Variants in MCC observed in about 807,000 individuals in gnomAD.
The protein encoded by MCC is colorectal mutant cancer protein.
MCC carries 90 observed loss-of-function variants against 116.2 expected under a neutral mutation model. That is an observed-to-expected ratio of 0.77 (90% CI 0.65 to 0.92). The LOEUF is 0.92. MCC is among the 40% of genes least tolerant of loss of function. MCC has a pLI of 0.00. For missense variants in MCC, 1,516 were observed against 1,312.2 expected, an observed-to-expected ratio of 1.16 and a Z score of -2.40; for synonymous variants, 578 against 510.5, an observed-to-expected ratio of 1.13 and a Z score of -1.78.
intron 3 of MCC, among the ~76,000 whole-genome samples, chr5:113,318,030 G>C (rs1480614521): frequency 6.6e-6 from 1 of 152,236 alleles, no homozygotes; most frequent in East Asian, 1.9e-4. Flanking sequence ...CAATTATGAA[G>C]AGGTGGAGGT....
chr5:113,231,084 A>T (rs2150334372), intron 3 of MCC, among the ~76,000 whole-genome samples: 1 of 152,314 alleles, frequency 6.6e-6, no homozygotes, highest in African/African-American at 2.4e-5. Flanking sequence ...CTCTAATTCC[A>T]GAAACGTTTC....
At chr5:113,355,747 T>C (rs1356717104) in intron 2 of MCC, among the ~76,000 whole-genome samples, 1 of 152,064 alleles carries the variant, frequency 6.6e-6, no homozygotes, top group Admixed American at 6.6e-5. Context: ...AATCCCATCA[T>C]AAGGCTCCAC....
intron 1 of MCC, among the ~76,000 whole-genome samples, chr5:113,453,863 C>T (rs751059022): frequency 6.6e-6 from 1 of 152,120 alleles, no homozygotes; most frequent in Non-Finnish European, 1.5e-5. Flanking sequence ...GTAATCCCTG[C>T]ACTTTGGGAG....
chr5:113,138,987 T>A lies in MCC; in HGVS notation c.884+4231A>T, dbSNP rs534188910. 2.6e-5 allele frequency among the ~76,000 whole-genome samples: 4 copies of A among 152,274 alleles called. No homozygotes were observed. The East Asian group carries it at 7.7e-4, about 29-fold the overall frequency. Reference sequence around the variant, plus strand: ...ATTGTGATGACAAGTAAAGTCTCTGTTCACCAGACCAGAGTTTGACTATAA... The same window carrying A: ...ATTGTGATGACAAGTAAAGTCTCTGATCACCAGACCAGAGTTTGACTATAA... On this transcript the variant is annotated intron_variant, in intron 5 of 18. Transcript: ENST00000408903.
At position 113,232,085 on chromosome 5, in the gene MCC, G is replaced by A. The variant is rs569678; in HGVS notation, c.628-80663C>T. On this transcript the variant is annotated intron_variant, in intron 3 of 18. Coordinates refer to ENST00000408903, the MANE Select transcript of MCC (RefSeq NM_001085377.2). Reference sequence around the variant, plus strand: ...CAAGCACAAAGATACTATGTTATTTGTTAACTAGCTTTCACCTTAAAGCAA... The same window carrying A: ...CAAGCACAAAGATACTATGTTATTTATTAACTAGCTTTCACCTTAAAGCAA... Among the ~76,000 whole-genome samples, 145 of 152,218 alleles carry A rather than the reference G, an allele frequency of 9.5e-4. 2 individuals are homozygous for A. In the East Asian group the frequency reaches 0.022, roughly 23 times the overall value.
At chr5:113,253,512 T>G (rs1374535953) in intron 3 of MCC, among the ~76,000 whole-genome samples, 1 of 152,108 alleles carries the variant, frequency 6.6e-6, no homozygotes, top group Admixed American at 6.6e-5. Context: ...TTTGACATAC[T>G]ATGCCCTCAA....
At chr5:113,212,401 G>C (rs1392567420) in intron 3 of MCC, among the ~76,000 whole-genome samples, 1 of 152,026 alleles carries the variant, frequency 6.6e-6, no homozygotes, top group Non-Finnish European at 1.5e-5. Context: ...TCCACTCCAG[G>C]AGAGGCCACA....
chr5:113,369,434 C>T (rs1324444082), intron 2 of MCC, among the ~76,000 whole-genome samples: 2 of 152,064 alleles, frequency 1.3e-5, no homozygotes, highest in Non-Finnish European at 2.9e-5. Context: ...TATATTTTTC[C>T]AGAGTTTAAA....
intron 1 of MCC, among the ~76,000 whole-genome samples, chr5:113,406,739 A>G (rs26969): frequency 0.44 from 66,681 of 151,580 alleles, 16,118 homozygotes; most frequent in African/African-American, 0.64. Context: ...TACATTTGAG[A>G]CTTTAAAGTT....
chr5:113,333,828 T>TATATATCTAC (rs1767773141), intron 3 of MCC, among the ~76,000 whole-genome samples: 1 of 12,274 alleles, frequency 8.1e-5, no homozygotes, highest in African/African-American at 1.2e-4. Flanking sequence ...TACATATATG[T>TATATATCTAC]ATATATGTAT....
chr5:113,148,979 C>A (rs1348711738), intron 4 of MCC, among the ~76,000 whole-genome samples: 3 of 152,124 alleles, frequency 2.0e-5, no homozygotes, highest in Admixed American at 6.5e-5. Context: ...AAAAATTTTC[C>A]ATTATCCTCT....
intron 13 of MCC, among the ~76,000 whole-genome samples, chr5:113,064,534 G>A (rs1753455455): frequency 6.6e-6 from 1 of 152,164 alleles, no homozygotes; most frequent in African/African-American, 2.4e-5. Context: ...CCATTCCTCT[G>A]TGCATTGGCA....
At chr5:113,400,235 G>A (rs910734282) in intron 1 of MCC, among the ~76,000 whole-genome samples, 2 of 139,776 alleles carry the variant, frequency 1.4e-5, no homozygotes, top group Non-Finnish European at 3.0e-5. Context: ...TGATTCTCCC[G>A]CCTCAGCCTC....
intron 6 of MCC, among the ~76,000 whole-genome samples, chr5:113,119,621 G>A (rs941553552): frequency 5.9e-5 from 9 of 152,156 alleles, no homozygotes; most frequent in African/African-American, 2.2e-4. Flanking sequence ...ATTTGAGGGT[G>A]GGAGCACAAT....
At chr5:113,439,364 C>T (rs769841795) in intron 1 of MCC, among the ~76,000 whole-genome samples, 1 of 152,044 alleles carries the variant, frequency 6.6e-6, no homozygotes, top group Non-Finnish European at 1.5e-5. Flanking sequence ...ACACACGAGG[C>T]CTTGAAGCAA....
intron 1 of MCC, among the ~76,000 whole-genome samples, chr5:113,414,884 T>C (rs1214752271): frequency 1.3e-5 from 2 of 152,238 alleles, no homozygotes; most frequent in Non-Finnish European, 2.9e-5. Flanking sequence ...CAGTTTGTCA[T>C]GTTTTTGCAG....
chr5:113,024,384 C>T lies in MCC; in HGVS notation c.*2918G>A, dbSNP rs1298709009. 2 of 152,190 alleles carry T rather than the reference C, an allele frequency of 1.3e-5. No homozygotes were observed. The highest frequency in any genetic ancestry group is 2.4e-5 in the African/African-American group (1 of 41,444). 9.4% of individuals were successfully genotyped at this position (152,190 alleles called of 1,614,324 possible). On this transcript the variant is annotated 3_prime_UTR_variant, in exon 19 of 19. Transcript: ENST00000408903. Reference sequence around the variant, plus strand: ...GGTAAGCTCACACTGATGGCACTCGCAACTACGGACAGAAGTCTCTTTTGC... The same window carrying T: ...GGTAAGCTCACACTGATGGCACTCGTAACTACGGACAGAAGTCTCTTTTGC...
chr5:113,077,622 A>G (rs978247622), intron 11 of MCC, among the ~76,000 whole-genome samples: 1 of 152,194 alleles, frequency 6.6e-6, no homozygotes, highest in African/African-American at 2.4e-5. Flanking sequence ...AACAAAGACA[A>G]AACATACAAG....
intron 3 of MCC, among the ~76,000 whole-genome samples, chr5:113,250,082 G>T (rs895320983): frequency 1.3e-5 from 2 of 152,214 alleles, no homozygotes; most frequent in Non-Finnish European, 2.9e-5. Context: ...GGAAAAGACT[G>T]TCTCCCCATA....
Sources: gnomAD v4.1 joint callset for allele counts (sites outside exome capture counted in the v4.1 genomes callset) on GRCh38, gnomAD v4.1.1 for gene constraint, MANE v1.5 for transcripts, NCBI Gene and HGNC (gene_info 2026-07-23, HGNC 2026-07-21) for gene names.